Variants in HPSE2 observed in about 807,000 individuals in gnomAD.
The protein encoded by HPSE2 is inactive heparanase-2.
In HPSE2, 38 loss-of-function variants were observed where a neutral mutation model predicts 60.5. That is an observed-to-expected ratio of 0.63 (90% CI 0.48 to 0.82). The LOEUF (loss-of-function observed/expected upper bound fraction) is 0.82, where lower values mean the gene tolerates loss of function less well. Among genes scored for constraint, HPSE2 ranks in the 40% least tolerant of loss-of-function variants. HPSE2 has a pLI of 0.00. For missense variants in HPSE2, 713 were observed against 740.4 expected, an observed-to-expected ratio of 0.96 and a Z score of 0.43; for synonymous variants, 295 against 293.2, an observed-to-expected ratio of 1.01 and a Z score of -0.06.
intron 3 of HPSE2, among the ~76,000 whole-genome samples, chr10:98,752,465 A>T (rs1049432545): frequency 2.0e-5 from 3 of 152,332 alleles, no homozygotes; most frequent in African/African-American, 2.4e-5. Flanking sequence ...GCAGTAAATG[A>T]CATTTATATC....
At chr10:98,745,737 A>G (rs1229533298) in intron 3 of HPSE2, among the ~76,000 whole-genome samples, 1 of 152,170 alleles carries the variant, frequency 6.6e-6, no homozygotes, top group African/African-American at 2.4e-5. Flanking sequence ...CAGTTTTAAA[A>G]AGCTTCTTAG....
At chr10:99,094,660 G>A (rs1297568048) in intron 3 of HPSE2, among the ~76,000 whole-genome samples, 3 of 143,342 alleles carry the variant, frequency 2.1e-5, no homozygotes, top group South Asian at 4.5e-4. Context: ...AAGCTCAAGC[G>A]ATTCTCCTGC....
At chr10:98,579,166 G>A (rs780438207) in intron 9 of HPSE2, among the ~76,000 whole-genome samples, 9 of 152,244 alleles carry the variant, frequency 5.9e-5, no homozygotes, top group African/African-American at 7.2e-5. Flanking sequence ...TGCATCAGCA[G>A]CTCTGATGCA....
At chr10:99,306,804 G>C in the HPSE2 span, among the ~76,000 whole-genome samples, 1 of 152,148 alleles carries the variant, frequency 6.6e-6, no homozygotes, top group African/African-American at 2.4e-5. Flanking sequence ...CCACCTCCCA[G>C]GTTCAAGTGA....
At chr10:98,865,000 A>T (rs1589970770) in intron 3 of HPSE2, among the ~76,000 whole-genome samples, 1 of 152,248 alleles carries the variant, frequency 6.6e-6, no homozygotes, top group Admixed American at 6.5e-5. Context: ...ATATGTAATT[A>T]TGTCAAGCCA....
chr10:99,230,757 A>G (rs1434346191), intron 2 of HPSE2, among the ~76,000 whole-genome samples: 1 of 152,100 alleles, frequency 6.6e-6, no homozygotes, highest in African/African-American at 2.4e-5. Context: ...CACCCCCAGC[A>G]ATTCCTGGGG....
intron 3 of HPSE2, among the ~76,000 whole-genome samples, chr10:98,836,923 C>T (rs1951803059): frequency 6.6e-6 from 1 of 152,136 alleles, no homozygotes; most frequent in South Asian, 2.1e-4. Context: ...CCTGTAATCC[C>T]AGCTACTCGG....
In HPSE2 at chr10:98,985,300, A is replaced by G. The variant is rs554347085; in HGVS notation, c.610+158938T>C. 3.2e-3 allele frequency among the ~76,000 whole-genome samples: 490 copies of G among 152,356 alleles called. 1 individual carries two copies. Among genetic ancestry groups the G allele is most frequent in the Non-Finnish European group, 5.3e-3 (360 of 68,028 alleles). ...AGACTAACAGCTGATCTCTTGGCAG[A>G]AACTCTACAAGCCAGAAGAGAGTGG... On this transcript the variant is annotated intron_variant, in intron 3 of 11. Coordinates refer to ENST00000370552, the MANE Select transcript of HPSE2 (RefSeq NM_021828.5).
intron 9 of HPSE2, among the ~76,000 whole-genome samples, chr10:98,589,416 A>G (rs1226642186): frequency 2.6e-5 from 4 of 152,168 alleles, no homozygotes; most frequent in Non-Finnish European, 5.9e-5. Context: ...TTGGGCTGGA[A>G]TCTAACAAAT....
intron 3 of HPSE2, among the ~76,000 whole-genome samples, chr10:98,822,572 A>G (rs1271586962): frequency 6.6e-6 from 1 of 151,996 alleles, no homozygotes; most frequent in Non-Finnish European, 1.5e-5. Context: ...ATCCAAATAT[A>G]TCAGTAACAA....
chr10:98,902,109 C>T (rs79531213), intron 3 of HPSE2, among the ~76,000 whole-genome samples: 5 of 152,116 alleles, frequency 3.3e-5, no homozygotes, highest in East Asian at 1.9e-4. Flanking sequence ...GATCTGAATC[C>T]GTAGTCACAA....
At chr10:98,597,714 ACCTGTAATC>A (rs1945281647) in intron 9 of HPSE2, among the ~76,000 whole-genome samples, 1 of 149,478 alleles carries the variant, frequency 6.7e-6, no homozygotes, top group African/African-American at 2.5e-5. Context: ...GTTGACTTAC[ACCTGTAATC>A]CCAGCATCAT....
At chr10:99,058,831 G>A (rs922657111) in intron 3 of HPSE2, among the ~76,000 whole-genome samples, 3 of 152,096 alleles carry the variant, frequency 2.0e-5, no homozygotes, top group African/African-American at 7.2e-5. Context: ...GGAAATGGGG[G>A]CAAGGGAAGA....
intron 3 of HPSE2, among the ~76,000 whole-genome samples, chr10:98,890,287 G>T (rs1953297187): frequency 1.3e-5 from 2 of 151,964 alleles, no homozygotes. Flanking sequence ...TGGTATCATT[G>T]ATTGTAATCA....
chr10:98,583,344 C>A (rs1944855595), intron 9 of HPSE2, among the ~76,000 whole-genome samples: 1 of 152,200 alleles, frequency 6.6e-6, no homozygotes. Flanking sequence ...CGAGCTAACT[C>A]CCCCTCTGTA....
chr10:99,246,210 C>T, the HPSE2 span, among the ~76,000 whole-genome samples: 1 of 152,134 alleles, frequency 6.6e-6, no homozygotes, highest in African/African-American at 2.4e-5. Context: ...CTCTTACATT[C>T]AAGGCAATAC....
intron 3 of HPSE2, among the ~76,000 whole-genome samples, chr10:98,983,695 A>G (rs180761448): frequency 1.3e-5 from 2 of 152,330 alleles, no homozygotes; most frequent in African/African-American, 2.4e-5. Context: ...AGGGCAAGGC[A>G]TCGCCTCACC....
intron 2 of HPSE2, among the ~76,000 whole-genome samples, chr10:99,209,126 C>T (rs1398331605): frequency 6.6e-6 from 1 of 152,188 alleles, no homozygotes; most frequent in Non-Finnish European, 1.5e-5. Context: ...ATGAACAATA[C>T]TACAAACCAA....
intron 3 of HPSE2, among the ~76,000 whole-genome samples, chr10:99,046,918 A>G (rs1171412990): frequency 6.6e-6 from 1 of 152,142 alleles, no homozygotes; most frequent in East Asian, 1.9e-4. Flanking sequence ...TCAGTGCTAT[A>G]CCTATCAAAC....
Sources: gnomAD v4.1 joint callset for allele counts (sites outside exome capture counted in the v4.1 genomes callset) on GRCh38, gnomAD v4.1.1 for gene constraint, MANE v1.5 for transcripts, NCBI Gene and HGNC (gene_info 2026-07-23, HGNC 2026-07-21) for gene names.